The following CCDC7 variants were observed in gnomAD, a reference collection of about 807,000 sequenced individuals.
CCDC7 encodes coiled-coil domain-containing protein 7.
CCDC7 carries 183 observed loss-of-function variants against 196.9 expected under a neutral mutation model. That is an observed-to-expected ratio of 0.93 (90% CI 0.82 to 1.05). The LOEUF (loss-of-function observed/expected upper bound fraction) is 1.05. Ranked by LOEUF, CCDC7 falls within the 50% of genes least tolerant of loss-of-function variation. The pLI is 0.00. For synonymous variants in CCDC7, 525 were observed against 484.6 expected, an observed-to-expected ratio of 1.08 and a Z score of -1.10; for missense variants, 1,540 against 1,482.2, an observed-to-expected ratio of 1.04 and a Z score of -0.64.
rs146659392 is a variant in CCDC7, at chr10:32,663,284, G to T, written c.2015-770G>T. On this transcript the variant is annotated intron_variant, in intron 20 of 41. Transcript: ENST00000639629. Reference sequence around the variant, plus strand: ...TCTACATACTTTTTCATCACACATGGAAAAATGAATAAAACATGAAAACAT... The same window carrying T: ...TCTACATACTTTTTCATCACACATGTAAAAATGAATAAAACATGAAAACAT... 9.2e-5 allele frequency among the ~76,000 whole-genome samples: 14 copies of T among 152,194 alleles called. No homozygotes were observed. The East Asian group carries it at 9.6e-4, about 10-fold the overall frequency.
chr10:32,640,400 G>C (rs951938694), intron 20 of CCDC7, among the ~76,000 whole-genome samples: 1 of 152,130 alleles, frequency 6.6e-6, no homozygotes, highest in African/African-American at 2.4e-5. Context: ...GCCTATGTGT[G>C]TCTCTGCACG....
exon 27 of CCDC7, chr10:32,728,933 T>C (rs915263715): frequency 2.2e-5 from 36 of 1,609,958 alleles, no homozygotes; most frequent in Non-Finnish European, 2.7e-5. Context: ...TTCATCAAGA[T>C]TCAAAGTCAA....
chr10:32,583,173 C>G, exon 17 of CCDC7: 15 of 1,231,472 alleles, frequency 1.2e-5, no homozygotes, highest in Non-Finnish European at 1.5e-5. Flanking sequence ...ATCAGAGACC[C>G]ATGATAAATC....
intron 25 of CCDC7, among the ~76,000 whole-genome samples, chr10:32,717,636 T>C (rs1363530490): frequency 6.6e-6 from 1 of 151,716 alleles, no homozygotes; most frequent in Non-Finnish European, 1.5e-5. Flanking sequence ...CGAGCCAGAC[T>C]AATAAAGAGG....
intron 18 of CCDC7, among the ~76,000 whole-genome samples, chr10:32,627,400 A>G (rs2064207118): frequency 6.6e-6 from 1 of 151,876 alleles, no homozygotes; most frequent in Admixed American, 6.6e-5. Flanking sequence ...ATAGAATTCA[A>G]CATTTTTTGA....
chr10:32,878,871 A>G (rs2094686600), downstream of CCDC7, among the ~76,000 whole-genome samples: 1 of 152,192 alleles, frequency 6.6e-6, no homozygotes, highest in Non-Finnish European at 1.5e-5. Flanking sequence ...CTGAAGCCAA[A>G]TATAAATGGG....
rs373763619 is a variant in CCDC7, at chr10:32,712,043, C to T, written c.2569+313C>T. Among the ~76,000 whole-genome samples the T allele has an allele frequency of 5.3e-5, 8 of 152,256 alleles. No individual in the cohort carries two copies. The East Asian group carries it at 1.5e-3, about 29-fold the overall frequency. ...CTGGCCATTTATGGGCACCTCTGAT[C>T]TGTTGTAGTCCCAGTCAGTAGGCAG... is the stretch of plus-strand genomic sequence containing the variant. On this transcript the variant is annotated intron_variant, in intron 25 of 41. Transcript: ENST00000639629.
At chr10:32,785,669 AC>A (rs111334492) in intron 29 of CCDC7, among the ~76,000 whole-genome samples, 2,698 of 152,270 alleles carry the variant, frequency 0.018, 83 homozygotes, top group African/African-American at 0.054. Flanking sequence ...TTGATAGTTT[AC>A]AAAGACTTAT....
chr10:32,554,895 G>A (rs997102479), intron 13 of CCDC7, among the ~76,000 whole-genome samples: 6 of 152,006 alleles, frequency 3.9e-5, no homozygotes, highest in African/African-American at 1.4e-4. Flanking sequence ...CCATCATTCT[G>A]CGCTCTATCT....
At chr10:32,808,511 C>T (rs1425792066) in intron 30 of CCDC7, among the ~76,000 whole-genome samples, 2 of 152,142 alleles carry the variant, frequency 1.3e-5, no homozygotes, top group Admixed American at 6.5e-5. Context: ...ACCACTGTGA[C>T]TTTTATTGCC....
chr10:32,576,834 A>G (rs564238514), intron 16 of CCDC7, among the ~76,000 whole-genome samples: 2 of 152,214 alleles, frequency 1.3e-5, no homozygotes, highest in South Asian at 2.1e-4. Flanking sequence ...TCTTTTGAAT[A>G]AATTCCTTAT....
intron 41 of CCDC7, among the ~76,000 whole-genome samples, chr10:32,861,511 G>T (rs2093982724): frequency 6.6e-6 from 1 of 151,998 alleles, no homozygotes; most frequent in Admixed American, 6.6e-5. Flanking sequence ...CATAGGCATG[G>T]GTAAAGACTT....
At chr10:32,701,152 G>C (rs548137417) in intron 24 of CCDC7, among the ~76,000 whole-genome samples, 1 of 152,114 alleles carries the variant, frequency 6.6e-6, no homozygotes, top group Non-Finnish European at 1.5e-5. Context: ...AAGGGAATGC[G>C]TCCAGTTTTT....
intron 41 of CCDC7, among the ~76,000 whole-genome samples, chr10:32,859,347 A>T (rs1426677288): frequency 2.0e-5 from 3 of 152,218 alleles, no homozygotes; most frequent in Non-Finnish European, 4.4e-5. Flanking sequence ...GAAGGCAGAG[A>T]TAAAGATGTT....
intron 28 of CCDC7, among the ~76,000 whole-genome samples, chr10:32,760,045 A>T (rs1033673908): frequency 5.3e-5 from 8 of 151,832 alleles, no homozygotes; most frequent in African/African-American, 1.7e-4. Flanking sequence ...CCACAATGAG[A>T]TACCATCTCA....
At chr10:32,622,924 C>A (rs1293234933) in intron 18 of CCDC7, among the ~76,000 whole-genome samples, 1 of 152,114 alleles carries the variant, frequency 6.6e-6, no homozygotes, top group Non-Finnish European at 1.5e-5. Flanking sequence ...GCAAGGTTGG[C>A]TTAACACTTG....
intron 21 of CCDC7, among the ~76,000 whole-genome samples, chr10:32,668,506 T>A (rs2073329775): frequency 6.6e-6 from 1 of 152,190 alleles, no homozygotes; most frequent in African/African-American, 2.4e-5. Context: ...GGCTGTGGAT[T>A]TGTCATAGAT....
chr10:32,679,205 A>T (rs1267717078), intron 21 of CCDC7, among the ~76,000 whole-genome samples: 1 of 152,190 alleles, frequency 6.6e-6, no homozygotes, highest in Non-Finnish European at 1.5e-5. Context: ...CCAAAGCCCA[A>T]TAAAAGGCCA....
intron 8 of CCDC7, among the ~76,000 whole-genome samples, chr10:32,490,784 C>T (rs1041895437): frequency 4.0e-5 from 6 of 151,400 alleles, no homozygotes; most frequent in Non-Finnish European, 7.4e-5. Context: ...GGCGACAGAG[C>T]GAGACTCCGC....
Sources: allele counts gnomAD v4.1 joint callset (sites outside exome capture counted in the v4.1 genomes callset), GRCh38; gene constraint gnomAD v4.1.1; transcripts MANE v1.5; gene names NCBI Gene and HGNC (gene_info 2026-07-23, HGNC 2026-07-21).